SH3BGRL2: variants seen among roughly 807,000 people sequenced by gnomAD.
SH3BGRL2 encodes SH3 domain binding glutamate rich protein like 2.
SH3BGRL2 carries 21 observed loss-of-function variants against 14.8 expected under a neutral mutation model. The ratio of observed to expected loss-of-function variants is 1.42; its 90% CI spans 1.01 to 2.05. The LOEUF (loss-of-function observed/expected upper bound fraction) is 2.05, where lower values mean the gene tolerates loss of function less well. Among genes scored for constraint, SH3BGRL2 ranks in the 30% most tolerant of loss-of-function variants. The probability of loss-of-function intolerance (pLI) is 0.00; values close to 1 mark genes in which losing one functional copy is unlikely to be tolerated. For missense variants in SH3BGRL2, 147 were observed against 130.8 expected, an observed-to-expected ratio of 1.12 and a Z score of -0.61; for synonymous variants, 50 against 47.8, an observed-to-expected ratio of 1.05 and a Z score of -0.19.
chr6:79,594,025 C>CA, the SH3BGRL2 span, among the ~76,000 whole-genome samples: 86,587 of 134,424 alleles, frequency 0.64, 26,754 homozygotes, highest in African/African-American at 0.68. Context: ...GACTCTGTCT[C>CA]AAAAAAAAAA....
At chr6:79,580,389 G>T in the SH3BGRL2 span, among the ~76,000 whole-genome samples, 1 of 152,132 alleles carries the variant, frequency 6.6e-6, no homozygotes, top group African/African-American at 2.4e-5. Context: ...CACATAATTG[G>T]AAGTAAAGCA....
chr6:79,630,081 T>A (rs1410632040), upstream of SH3BGRL2, among the ~76,000 whole-genome samples: 2 of 152,210 alleles, frequency 1.3e-5, no homozygotes, highest in Non-Finnish European at 2.9e-5. Flanking sequence ...GCAAAACTTC[T>A]ATTTAAAATT....
the SH3BGRL2 span, among the ~76,000 whole-genome samples, chr6:79,625,833 C>A: frequency 6.6e-6 from 1 of 152,164 alleles, no homozygotes; most frequent in Non-Finnish European, 1.5e-5. Flanking sequence ...TGCCTAAGGT[C>A]ATATAGCTGT....
At chr6:79,660,872 G>T (rs1055052295) in intron 1 of SH3BGRL2, among the ~76,000 whole-genome samples, 4 of 152,230 alleles carry the variant, frequency 2.6e-5, no homozygotes, top group African/African-American at 7.2e-5. Context: ...TCTTGGGAGG[G>T]TGTATGTGTC....
chr6:79,631,257 C>T (rs1768816263), upstream of SH3BGRL2: 2 of 416,908 alleles, frequency 4.8e-6, no homozygotes, highest in Non-Finnish European at 8.4e-6. Context: ...CCCTCCTCCT[C>T]CCTCTCCTTC....
chr6:79,562,439 G>A, the SH3BGRL2 span, among the ~76,000 whole-genome samples: 3 of 152,066 alleles, frequency 2.0e-5, no homozygotes, highest in Admixed American at 2.0e-4. Context: ...TAGGTCATTT[G>A]GAATATTTTA....
At chr6:79,681,041 C>T (rs1184989318) in intron 2 of SH3BGRL2, among the ~76,000 whole-genome samples, 3 of 152,036 alleles carry the variant, frequency 2.0e-5, no homozygotes, top group Admixed American at 1.3e-4. Flanking sequence ...TGTGGATTAA[C>T]CCTCAAGGAG....
the SH3BGRL2 span, among the ~76,000 whole-genome samples, chr6:79,619,605 A>G: frequency 6.6e-6 from 1 of 152,198 alleles, no homozygotes; most frequent in African/African-American, 2.4e-5. Context: ...GCTGACTCCT[A>G]GAGAATTCAT....
At chr6:79,607,522 T>G in the SH3BGRL2 span, among the ~76,000 whole-genome samples, 2 of 152,210 alleles carry the variant, frequency 1.3e-5, no homozygotes, top group Non-Finnish European at 2.9e-5. Context: ...TGTTCCAGCC[T>G]TTCTTCAATT....
At chr6:79,577,783 G>A in the SH3BGRL2 span, among the ~76,000 whole-genome samples, 1 of 152,214 alleles carries the variant, frequency 6.6e-6, no homozygotes, top group African/African-American at 2.4e-5. Context: ...GACAGTGGGT[G>A]TAGCCCACTG....
In SH3BGRL2 at chr6:79,693,489, T is replaced by C. The variant is rs986138015; in HGVS notation, c.232-2996T>C. Among the ~76,000 whole-genome samples, 6 of 150,694 alleles carry C rather than the reference T, an allele frequency of 4.0e-5. No individual in the cohort carries two copies. In the East Asian group the frequency reaches 1.2e-3, roughly 29 times the overall value. On this transcript the variant is annotated intron_variant, in intron 2 of 3. Transcript: ENST00000369838. ...TGCCCATTCAGTATGATATTGGCTG[T>C]GGGTTTGTCATAGATAGCTCTTATT...
chr6:79,599,034 T>C, the SH3BGRL2 span, among the ~76,000 whole-genome samples: 5 of 147,982 alleles, frequency 3.4e-5, no homozygotes, highest in East Asian at 8.3e-4. Flanking sequence ...TGAGCCAAGA[T>C]TGCGCCATTG....
the SH3BGRL2 span, among the ~76,000 whole-genome samples, chr6:79,606,448 C>T: frequency 6.6e-6 from 1 of 152,180 alleles, no homozygotes; most frequent in Non-Finnish European, 1.5e-5. Context: ...TTAAATTTCT[C>T]GTACTATGGT....
chr6:79,577,334 C>T, the SH3BGRL2 span, among the ~76,000 whole-genome samples: 1 of 152,116 alleles, frequency 6.6e-6, no homozygotes, highest in Non-Finnish European at 1.5e-5. Flanking sequence ...TCTCCTCTTC[C>T]TCCACTTCCC....
At chr6:79,561,654 T>C in the SH3BGRL2 span, 1 of 152,124 alleles carries the variant, frequency 6.6e-6, no homozygotes, top group East Asian at 1.9e-4. Flanking sequence ...ATGGTTGCAT[T>C]TGAGATGACC....
chr6:79,702,211 A>G lies in SH3BGRL2; in HGVS notation c.*2702A>G, dbSNP rs1477106276. On this transcript the variant is annotated 3_prime_UTR_variant, in exon 4 of 4. Coordinates refer to ENST00000369838, the MANE Select transcript of SH3BGRL2 (RefSeq NM_031469.4). ...GTTTCTGTTTTATAGATTTAATTCAATACCTCCACATAGATGTTTTTATAT... is the reference window on the plus strand; with the variant it reads ...GTTTCTGTTTTATAGATTTAATTCAGTACCTCCACATAGATGTTTTTATAT... The G allele has an allele frequency of 6.6e-6, 1 of 152,640 alleles. No homozygotes were observed. Among genetic ancestry groups the G allele is most frequent in the African/African-American group, 2.4e-5 (1 of 41,464 alleles). The allele number at this position is 152,640 out of a possible 1,614,324, so 9.5% of individuals were successfully genotyped here.
intron 3 of SH3BGRL2, among the ~76,000 whole-genome samples, chr6:79,697,164 T>G (rs954718343): frequency 6.6e-6 from 1 of 152,186 alleles, no homozygotes; most frequent in Admixed American, 6.5e-5. Context: ...AAACATTTCT[T>G]TATTAAGTAA....
rs144077604 is a variant in SH3BGRL2 at position 79,647,570 on chromosome 6, A to G, written c.45+16064A>G. On this transcript the variant is annotated intron_variant, in intron 1 of 3. Coordinates refer to ENST00000369838, the MANE Select transcript of SH3BGRL2 (RefSeq NM_031469.4). The stretch of plus-strand genomic sequence containing the variant: ...CAACTCTTAATCTTGGGGAGCAAAG[A>G]TGATCATAGAAAATTGGTACAACAC... 9.3e-4 allele frequency among the ~76,000 whole-genome samples: 142 copies of G among 152,246 alleles called. 1 individual carries two copies. The highest frequency in any genetic ancestry group is 3.2e-3 in the African/African-American group (135 of 41,544).
intron 1 of SH3BGRL2, among the ~76,000 whole-genome samples, chr6:79,672,351 A>G (rs1769790768): frequency 6.6e-6 from 1 of 152,174 alleles, no homozygotes; most frequent in African/African-American, 2.4e-5. Context: ...CGTTTCTTAC[A>G]TGACCTTCAA....
Sources: gnomAD v4.1 joint callset for allele counts (sites outside exome capture counted in the v4.1 genomes callset) on GRCh38, gnomAD v4.1.1 for gene constraint, MANE v1.5 for transcripts, NCBI Gene and HGNC (gene_info 2026-07-23, HGNC 2026-07-21) for gene names.